MRAS: variants seen among roughly 807,000 people sequenced by gnomAD.
The protein encoded by MRAS is ras-related protein M-Ras.
MRAS carries 4 observed loss-of-function variants against 20.9 expected under a neutral mutation model. The observed-to-expected ratio is 0.19, with a 90% CI of 0.09 to 0.44. MRAS has a LOEUF of 0.44. MRAS is among the 20% of genes least tolerant of loss of function. MRAS has a pLI of 0.99. For missense variants in MRAS, 154 were observed against 277.5 expected (o/e 0.56, Z 3.16); for synonymous variants, 98 against 102.9 (o/e 0.95, Z 0.29).
chr3:138,365,982 G>A (rs886640571), intron 1 of MRAS, among the ~76,000 whole-genome samples: 3 of 152,192 alleles, frequency 2.0e-5, no homozygotes, highest in African/African-American at 7.2e-5. Flanking sequence ...GCTTTCTAGA[G>A]TAGTTGAGAG....
rs972457099 is a variant in MRAS, at chr3:138,391,142, T to C, written c.194-6182T>C. Among the ~76,000 whole-genome samples, 3 of 152,340 alleles carry C rather than the reference T, an allele frequency of 2.0e-5. No homozygotes were observed. The South Asian group carries it at 6.2e-4, about 32-fold the overall frequency. ...CTCTGGCAATTTCTACTTTTATTGA[T>C]ACCTTTTTCTTTCTCTCTTATTTTA... On this transcript the variant is annotated intron_variant, in intron 2 of 5. Coordinates refer to ENST00000423968, the MANE Select transcript of MRAS (RefSeq NM_001085049.3).
intron 2 of MRAS, among the ~76,000 whole-genome samples, chr3:138,382,111 T>A (rs2054917642): frequency 6.6e-6 from 1 of 152,216 alleles, no homozygotes; most frequent in African/African-American, 2.4e-5. Flanking sequence ...AATTTCCCTC[T>A]TTCCCTTCAT....
chr3:138,357,754 G>A (rs1576341258), intron 1 of MRAS, among the ~76,000 whole-genome samples: 1 of 152,148 alleles, frequency 6.6e-6, no homozygotes, highest in Non-Finnish European at 1.5e-5. Flanking sequence ...CACTATTATT[G>A]CATGTAACAG....
intron 2 of MRAS, among the ~76,000 whole-genome samples, chr3:138,386,173 T>A (rs1186947291): frequency 1.4e-5 from 2 of 147,250 alleles, no homozygotes; most frequent in African/African-American, 2.5e-5. Context: ...GATTAACAAA[T>A]CAGTAATTAC....
intron 2 of MRAS, among the ~76,000 whole-genome samples, chr3:138,378,854 C>G (rs1412711634): frequency 2.6e-5 from 4 of 152,120 alleles, no homozygotes; most frequent in African/African-American, 4.8e-5. Flanking sequence ...AAACTCTGTA[C>G]CTATTAAACA....
rs115253823 is a variant in MRAS, at chr3:138,396,870, G to T, written c.194-454G>T. Among the ~76,000 whole-genome samples the T allele has an allele frequency of 3.8e-3, 574 of 152,242 alleles. 4 individuals are homozygous for T. The highest frequency in any genetic ancestry group is 0.013 in the African/African-American group (559 of 41,542). Reference sequence around the variant, plus strand: ...AGCTCTTCTCCCCTAGGGGGTGCAAGGTAGAGGCACGGTTTTCATTGATAG... The same window carrying T: ...AGCTCTTCTCCCCTAGGGGGTGCAATGTAGAGGCACGGTTTTCATTGATAG... On this transcript the variant is annotated intron_variant, in intron 2 of 5. Coordinates refer to ENST00000423968, the MANE Select transcript of MRAS (RefSeq NM_001085049.3).
intron 2 of MRAS, among the ~76,000 whole-genome samples, chr3:138,383,938 G>C (rs2054957471): frequency 6.6e-6 from 1 of 152,202 alleles, no homozygotes; most frequent in African/African-American, 2.4e-5. Context: ...GGGCTTTCCT[G>C]ATAAGGGAAT....
At chr3:138,349,183 G>A (rs1004751016) in intron 1 of MRAS, 2 of 152,214 alleles carry the variant, frequency 1.3e-5, no homozygotes, top group African/African-American at 4.8e-5. Context: ...CCAGGGAGTT[G>A]ACAAATTCAT....
rs375033441 is a variant in MRAS, at chr3:138,361,029, C to T, written c.-18-11837C>T. ...GGCTAAACAATGCCTCTTGGTGAAG[C>T]GTCTTGAGTCATCACATGGAATAAT... On this transcript the variant is annotated intron_variant, in intron 1 of 5. Transcript: ENST00000423968. Among the ~76,000 whole-genome samples the T allele has an allele frequency of 1.9e-4, 29 of 152,318 alleles. No individual in the cohort carries two copies. In the East Asian group the frequency reaches 5.2e-3, roughly 27 times the overall value.
chr3:138,392,052 C>T (rs913435672), intron 2 of MRAS, among the ~76,000 whole-genome samples: 2 of 152,094 alleles, frequency 1.3e-5, no homozygotes, highest in Middle Eastern at 3.2e-3. Context: ...GCAGGAGAAT[C>T]GCTGGAACCC....
chr3:138,379,507 G>C (rs1168873721), intron 2 of MRAS, among the ~76,000 whole-genome samples: 1 of 151,868 alleles, frequency 6.6e-6, no homozygotes, highest in Non-Finnish European at 1.5e-5. Context: ...ACAGGCACCT[G>C]CCAACACGCT....
In MRAS at chr3:138,362,992, G is replaced by A. The variant is rs115132719; in HGVS notation, c.-18-9874G>A. The stretch of plus-strand genomic sequence containing the variant: ...TGCCTCCATGCATTACACTTTTGTC[G>A]CTTCTATTCTTTACCTGGGACATGC... On this transcript the variant is annotated intron_variant, in intron 1 of 5. Transcript: ENST00000423968. Among the ~76,000 whole-genome samples, 614 of 152,042 alleles carry A rather than the reference G, an allele frequency of 4.0e-3. 4 individuals are homozygous for A. The highest frequency in any genetic ancestry group is 0.012 in the African/African-American group (514 of 41,472).
intron 2 of MRAS, among the ~76,000 whole-genome samples, chr3:138,382,635 G>A (rs560691322): frequency 2.3e-4 from 35 of 152,304 alleles, no homozygotes; most frequent in African/African-American, 7.9e-4. Flanking sequence ...TCCAGCCACT[G>A]ACCTAGAGTC....
chr3:138,352,630 G>A (rs910638283), intron 1 of MRAS, among the ~76,000 whole-genome samples: 2 of 152,020 alleles, frequency 1.3e-5, no homozygotes, highest in African/African-American at 4.8e-5. Context: ...GGTCATCACC[G>A]GTTGCTGAAG....
chr3:138,377,972 A>T (rs749923198), intron 2 of MRAS, among the ~76,000 whole-genome samples: 1 of 152,202 alleles, frequency 6.6e-6, no homozygotes, highest in Non-Finnish European at 1.5e-5. Flanking sequence ...CAAAAGTTTC[A>T]CACAACCAGC....
chr3:138,350,132 A>G (rs1482208598), intron 1 of MRAS: 1 of 152,232 alleles, frequency 6.6e-6, no homozygotes, highest in East Asian at 1.9e-4. Context: ...GGGTATTAAT[A>G]ACTGACTCGT....
intron 1 of MRAS, among the ~76,000 whole-genome samples, chr3:138,361,600 G>C (rs867113774): frequency 3.3e-5 from 5 of 152,316 alleles, no homozygotes; most frequent in Middle Eastern, 6.8e-3. Context: ...AGTTTGTGCA[G>C]GGTTGAGCCT....
chr3:138,353,134 T>G (rs1012646408), intron 1 of MRAS, among the ~76,000 whole-genome samples: 6 of 152,154 alleles, frequency 3.9e-5, no homozygotes, highest in Admixed American at 1.3e-4. Flanking sequence ...CACAGCATCT[T>G]TCATTTTAAT....
intron 2 of MRAS, among the ~76,000 whole-genome samples, chr3:138,393,454 CT>C (rs1423481191): frequency 6.6e-6 from 1 of 152,106 alleles, no homozygotes; most frequent in Non-Finnish European, 1.5e-5. Flanking sequence ...TTATTTTTTA[CT>C]TTGTAAGAAT....
Sources: allele counts gnomAD v4.1 joint callset (sites outside exome capture counted in the v4.1 genomes callset), GRCh38; gene constraint gnomAD v4.1.1; transcripts MANE v1.5; gene names NCBI Gene and HGNC (gene_info 2026-07-23, HGNC 2026-07-21).